Variants in GLOD4 observed in about 807,000 individuals in gnomAD.
The protein encoded by GLOD4 is glyoxalase domain-containing protein 4.
A neutral mutation model predicts 39.1 loss-of-function variants in GLOD4; 44 were observed. The ratio of observed to expected loss-of-function variants is 1.13; its 90% CI spans 0.88 to 1.45. The LOEUF is 1.45. Ranked by LOEUF, GLOD4 falls within the 40% of genes most tolerant of loss-of-function variation. GLOD4 has a pLI of 0.00. For synonymous variants in GLOD4, 145 were observed against 135.0 expected, an observed-to-expected ratio of 1.07 and a Z score of -0.52; for missense variants, 405 against 366.4, an observed-to-expected ratio of 1.11 and a Z score of -0.86.
At chr17:763,632 C>A (rs1905933924) in intron 8 of GLOD4, 1 of 151,812 alleles carries the variant, frequency 6.6e-6, no homozygotes, top group South Asian at 2.1e-4. Flanking sequence ...ATAGAGAGTT[C>A]ATCTGGGCCA....
intron 8 of GLOD4, among the ~76,000 whole-genome samples, chr17:767,960 C>T (rs1906992605): frequency 7.3e-6 from 1 of 136,956 alleles, no homozygotes; most frequent in Non-Finnish European, 1.5e-5. Context: ...AGAAACAGCG[C>T]GCACTCAGAT....
Position 774,226 on chromosome 17 carries a change from T to C in GLOD4, c.406+1549A>G, listed in dbSNP as rs143774847. 3.0e-3 allele frequency among the ~76,000 whole-genome samples: 461 copies of C among 152,200 alleles called. 4 individuals carry two copies. The highest frequency in any genetic ancestry group is 0.01 in the African/African-American group (431 of 41,532). Reference sequence around the variant, plus strand: ...AGCCTCCCACACTGGAACAGACGGATCTTTCTTTTGCTGAGCACCGGATGA... The same window carrying C: ...AGCCTCCCACACTGGAACAGACGGACCTTTCTTTTGCTGAGCACCGGATGA... On this transcript the variant is annotated intron_variant, in intron 4 of 8. Coordinates refer to ENST00000301329, the MANE Select transcript of GLOD4 (RefSeq NM_016080.4).
upstream of GLOD4, chr17:782,831 GT>G: frequency 7.1e-6 from 7 of 988,598 alleles, no homozygotes; most frequent in Non-Finnish European, 1.0e-5. Context: ...CCGAATAAGC[GT>G]CTTTGGAATT....
chr17:777,083 T>C (rs1305883677), intron 2 of GLOD4, 95 bp from the exon 3 acceptor site: 3 of 1,192,114 alleles, frequency 2.5e-6, no homozygotes, highest in Non-Finnish European at 3.7e-6. Flanking sequence ...TGAGCATTCC[T>C]GTCTGGTCCT....
intron 8 of GLOD4, among the ~76,000 whole-genome samples, chr17:766,408 C>T (rs980386748): frequency 8.6e-5 from 13 of 152,002 alleles, no homozygotes; most frequent in Non-Finnish European, 1.6e-4. Flanking sequence ...CCATCCTGGC[C>T]AACATGGTGA....
At chr17:781,033 G>C (rs1340482182) in intron 1 of GLOD4, among the ~76,000 whole-genome samples, 1 of 145,882 alleles carries the variant, frequency 6.9e-6, no homozygotes, top group Non-Finnish European at 1.5e-5. Flanking sequence ...CGATTCTCTT[G>C]CCTCAGCCTC....
At chr17:761,981 A>G (rs1905527955) in intron 8 of GLOD4, among the ~76,000 whole-genome samples, 1 of 152,206 alleles carries the variant, frequency 6.6e-6, no homozygotes, top group Non-Finnish European at 1.5e-5. Context: ...AGGGTAGAGA[A>G]TGTCCAAAAA....
intron 3 of GLOD4, among the ~76,000 whole-genome samples, chr17:776,654 G>A (rs761769280): frequency 1.3e-5 from 2 of 151,952 alleles, no homozygotes; most frequent in East Asian, 1.9e-4. Context: ...ACACCTCCTC[G>A]AACACGCCAG....
At position 762,367 on chromosome 17, in the gene GLOD4, AGAGG is replaced by A. The variant is rs569811008; in HGVS notation, c.832-2133_832-2130del. On this transcript the variant is annotated intron_variant, in intron 8 of 8. Coordinates refer to ENST00000301329, the MANE Select transcript of GLOD4 (RefSeq NM_016080.4). ...ACTGTCCAGGGAGGGAGCAGGGCGC[AGAGG>A]AAGAAAAAGGACTAACTGTAAAGCC... 1.0e-3 allele frequency among the ~76,000 whole-genome samples: 155 copies of A among 152,384 alleles called. 2 individuals are homozygous for A. Among genetic ancestry groups the A allele is most frequent in the African/African-American group, 3.7e-3 (152 of 41,596 alleles).
rs772514671 is a variant in GLOD4 at position 778,667 on chromosome 17, G to A, written c.140+28C>T. 3.7e-6 allele frequency: 5 copies of A among 1,334,568 alleles called. No homozygotes were observed. The African/African-American group carries it at 4.3e-5, about 12-fold the overall frequency. 82.7% of individuals were successfully genotyped at this position (1,334,568 alleles called of 1,614,324 possible). ...TATCCGGGTGTAGTCAGAGCCTAAAGGAGATTTTAAGAAACAAGGTATCAT... is the reference window on the plus strand; with the variant it reads ...TATCCGGGTGTAGTCAGAGCCTAAAAGAGATTTTAAGAAACAAGGTATCAT... On this transcript the variant is annotated intron_variant, in intron 2 of 8. Coordinates refer to ENST00000301329, the MANE Select transcript of GLOD4 (RefSeq NM_016080.4).
intron 4 of GLOD4, among the ~76,000 whole-genome samples, 184 bp from the exon 5 acceptor site, chr17:771,645 A>G (rs998953035): frequency 6.6e-6 from 1 of 152,222 alleles, no homozygotes; most frequent in African/African-American, 2.4e-5. Context: ...AGGTAGGAGG[A>G]TTGCGTGAGC....
chr17:772,578 G>A (rs1011826679), intron 4 of GLOD4, among the ~76,000 whole-genome samples: 1 of 152,132 alleles, frequency 6.6e-6, no homozygotes, highest in Non-Finnish European at 1.5e-5. Context: ...TGGACAAAAA[G>A]TCCTTAATAT....
At position 775,179 on chromosome 17, in the gene GLOD4, G is replaced by A. The variant is rs540930202; in HGVS notation, c.406+596C>T. 3.3e-5 allele frequency among the ~76,000 whole-genome samples: 5 copies of A among 151,972 alleles called. No homozygotes were observed. The South Asian group carries it at 1.0e-3, about 32-fold the overall frequency. On this transcript the variant is annotated intron_variant, in intron 4 of 8. Transcript: ENST00000301329. ...CCAGCTACTTGGGAGGCTGAGGAAG[G>A]AGAATTGCTTGAACCCGGGAGGCAG...
At chr17:766,939 C>A (rs565270402) in intron 8 of GLOD4, among the ~76,000 whole-genome samples, 2 of 152,104 alleles carry the variant, frequency 1.3e-5, no homozygotes, top group Non-Finnish European at 2.9e-5. Context: ...AAATTAAGAG[C>A]GAGGAGGAAG....
At chr17:760,412 A>C (rs955427742) in intron 8 of GLOD4, among the ~76,000 whole-genome samples, 174 bp from the exon 9 acceptor site, 4 of 152,220 alleles carry the variant, frequency 2.6e-5, no homozygotes, top group Non-Finnish European at 5.9e-5. Flanking sequence ...TTAACATTTA[A>C]AGAGTATTAA....
upstream of GLOD4, among the ~76,000 whole-genome samples, chr17:785,738 G>A (rs985153312): frequency 2.0e-5 from 3 of 152,190 alleles, no homozygotes; most frequent in African/African-American, 7.2e-5. Context: ...ATGCATTCAA[G>A]TTTTGAAATT....
intron 5 of GLOD4, chr17:770,743 C>T (rs1284736054): frequency 2.6e-6 from 1 of 387,934 alleles, no homozygotes; most frequent in African/African-American, 2.0e-5. Flanking sequence ...TTATTCTGTT[C>T]CTTGTTTTTC....
In GLOD4 at chr17:760,179, T is replaced by C. The variant is rs1905204296; in HGVS notation, c.891A>G (p.Ser297=). ...WFAKHNKPKA[S]G is the part of the protein sequence containing the mutation. ...CTCTGCATCATGTCTTCCGTTAACC[T>C]GAAGCTTTGGGTTTATTGTGTTTGG... The change falls in exon 9 of 9, where the codon TCA becomes TCG. Residue 297 remains serine, a synonymous_variant. Transcript: ENST00000301329. 2 of 1,587,450 alleles carry C rather than the reference T, an allele frequency of 1.3e-6. No homozygotes were observed. The highest frequency in any genetic ancestry group is 1.7e-6 in the Non-Finnish European group (2 of 1,155,724).
chr17:763,273 T>C lies in GLOD4; in HGVS notation c.832-3035A>G, dbSNP rs527646969. Among the ~76,000 whole-genome samples, 157 of 151,724 alleles carry C rather than the reference T, an allele frequency of 1.0e-3. 2 individuals carry two copies. Among genetic ancestry groups the C allele is most frequent in the African/African-American group, 3.7e-3 (154 of 41,366 alleles). On this transcript the variant is annotated intron_variant, in intron 8 of 8. Coordinates refer to ENST00000301329, the MANE Select transcript of GLOD4 (RefSeq NM_016080.4). ...CTGTAATCCCAGCACTTTGGGAGGC[T>C]GAGGCAGGTGGATCACCTGAGGTCA...
Sources: allele counts gnomAD v4.1 joint callset (sites outside exome capture counted in the v4.1 genomes callset), GRCh38; gene constraint gnomAD v4.1.1; transcripts MANE v1.5; gene names NCBI Gene and HGNC (gene_info 2026-07-23, HGNC 2026-07-21).